RARS2: variants seen among roughly 807,000 people sequenced by gnomAD.
The protein encoded by RARS2 is probable arginine--tRNA ligase, mitochondrial.
RARS2 carries 67 observed loss-of-function variants against 88.5 expected under a neutral mutation model. That is an observed-to-expected ratio of 0.76 (90% confidence interval 0.62 to 0.93). The LOEUF (loss-of-function observed/expected upper bound fraction) is 0.93. Ranked by LOEUF, RARS2 falls within the 40% of genes least tolerant of loss-of-function variation. RARS2 has a pLI of 0.00. For synonymous variants in RARS2, 239 were observed against 230.3 expected (o/e 1.04, Z -0.34); for missense variants, 664 against 684.2 (o/e 0.97, Z 0.33).
chr6:87,530,190 C>T (rs1777011995), intron 9 of RARS2, among the ~76,000 whole-genome samples: 1 of 152,168 alleles, frequency 6.6e-6, no homozygotes, highest in East Asian at 1.9e-4. Context: ...TAGAATCATG[C>T]CCCATATGCT....
intron 10 of RARS2, among the ~76,000 whole-genome samples, chr6:87,526,589 A>C (rs1775795195): frequency 7.6e-6 from 1 of 131,110 alleles, no homozygotes; most frequent in African/African-American, 3.2e-5. Context: ...TAATCAAAAC[A>C]GCATCATACT....
intron 7 of RARS2, among the ~76,000 whole-genome samples, chr6:87,542,969 TAAAAA>T: frequency 7.1e-6 from 1 of 140,682 alleles, no homozygotes; most frequent in Admixed American, 7.1e-5. Flanking sequence ...TATAAAATAA[TAAAAA>T]AAAAAAAGAG....
chr6:87,585,369 C>T (rs1404614622), intron 1 of RARS2, among the ~76,000 whole-genome samples: 6 of 152,150 alleles, frequency 3.9e-5, no homozygotes, highest in African/African-American at 1.4e-4. Flanking sequence ...TTATTGTCAT[C>T]ATAGAAGCAA....
intron 8 of RARS2, 146 bp downstream of exon 8, chr6:87,541,772 T>G: frequency 1.7e-6 from 1 of 603,298 alleles, no homozygotes; most frequent in Non-Finnish European, 3.0e-6. Flanking sequence ...TGCAGTGAGC[T>G]GAGATTGCAC....
At chr6:87,524,906 T>C (rs189335574) in intron 10 of RARS2, among the ~76,000 whole-genome samples, 1 of 152,338 alleles carries the variant, frequency 6.6e-6, no homozygotes, top group Admixed American at 6.5e-5. Flanking sequence ...TACTCAGAGA[T>C]AAATTCTTTA....
rs1582548030 is a variant in RARS2 at position 87,545,607 on chromosome 6, T to C, written c.535+9A>G. The stretch of plus-strand genomic sequence containing the variant: ...ATGAAATGAAAAATAAAATCTCAAG[T>C]GTACTTACCAAACTGCATGCCCCAA... On this transcript the variant is annotated intron_variant, in intron 7 of 19. Coordinates refer to ENST00000369536, the MANE Select transcript of RARS2 (RefSeq NM_020320.5). The C allele has an allele frequency of 6.2e-7, 1 of 1,613,660 alleles. No individual in the cohort carries two copies. The highest frequency in any genetic ancestry group is 8.5e-7 in the Non-Finnish European group (1 of 1,179,818).
At chr6:87,584,833 A>G (rs184842778) in intron 1 of RARS2, 6 of 388,880 alleles carry the variant, frequency 1.5e-5, no homozygotes, top group East Asian at 7.6e-5. Context: ...TCTCTATGGT[A>G]TATACCATAG....
intron 1 of RARS2, among the ~76,000 whole-genome samples, chr6:87,582,309 T>C (rs1212573000): frequency 6.6e-6 from 1 of 152,264 alleles, no homozygotes; most frequent in Non-Finnish European, 1.5e-5. Context: ...CTGACTGGCA[T>C]GAGATGGTAT....
At chr6:87,572,361 A>G (rs1770033239) in intron 1 of RARS2, among the ~76,000 whole-genome samples, 1 of 152,198 alleles carries the variant, frequency 6.6e-6, no homozygotes, top group African/African-American at 2.4e-5. Context: ...ATAATCACTA[A>G]GATTTTATGT....
chr6:87,553,930 G>A (rs566899092), intron 5 of RARS2, among the ~76,000 whole-genome samples: 1 of 152,094 alleles, frequency 6.6e-6, no homozygotes, highest in Admixed American at 6.5e-5. Context: ...CTCTTAGAGG[G>A]TCTGCCTTCT....
Position 87,589,985 on chromosome 6 carries a change from T to G in RARS2, c.-28A>C, listed in dbSNP as rs531449426. 1 of 1,613,986 alleles carries G rather than the reference T, an allele frequency of 6.2e-7. No individual in the cohort carries two copies. Among genetic ancestry groups the G allele is most frequent in the Non-Finnish European group, 8.5e-7 (1 of 1,180,006 alleles). ...CCACCTCTACGGAAGTGCGCCGCAG[T>G]CCGCCAGTTCCGGCCTCGCCCCACC... On this transcript the variant is annotated 5_prime_UTR_variant, in exon 1 of 20. Coordinates refer to ENST00000369536, the MANE Select transcript of RARS2 (RefSeq NM_020320.5).
intron 1 of RARS2, 120 bp from the exon 2 acceptor site, chr6:87,569,710 T>G: frequency 1.2e-6 from 1 of 802,528 alleles, no homozygotes; most frequent in Non-Finnish European, 2.1e-6. Context: ...CCAAATGCAT[T>G]CCAAGTGAAG....
chr6:87,556,872 G>T (rs1158691852), intron 4 of RARS2, among the ~76,000 whole-genome samples: 1 of 148,322 alleles, frequency 6.7e-6, no homozygotes, highest in African/African-American at 2.5e-5. Flanking sequence ...GGCTGGTCTT[G>T]AACTCCTGGG....
intron 1 of RARS2, among the ~76,000 whole-genome samples, chr6:87,588,984 T>C (rs1420353531): frequency 6.6e-6 from 1 of 152,184 alleles, no homozygotes; most frequent in Admixed American, 6.5e-5. Flanking sequence ...TGGCGAATTA[T>C]CACCGGACAG....
At chr6:87,550,360 G>A (rs1783945483) in intron 5 of RARS2, among the ~76,000 whole-genome samples, 2 of 152,138 alleles carry the variant, frequency 1.3e-5, no homozygotes, top group South Asian at 4.1e-4. Flanking sequence ...TGCCTTACTA[G>A]TACATTTGTT....
chr6:87,535,764 C>T (rs1328663337), intron 8 of RARS2, among the ~76,000 whole-genome samples: 2 of 151,082 alleles, frequency 1.3e-5, no homozygotes, highest in Non-Finnish European at 2.9e-5. Context: ...GCAACCTCCA[C>T]CTCCTGGGTT....
intron 6 of RARS2, among the ~76,000 whole-genome samples, chr6:87,547,608 T>A (rs931684930): frequency 1.3e-5 from 2 of 152,156 alleles, no homozygotes; most frequent in African/African-American, 4.8e-5. Flanking sequence ...TATGAAGTAC[T>A]ATATAGTAAT....
rs368859792 is a variant in RARS2 at position 87,529,650 on chromosome 6, TA to T, written c.772-3del. On this transcript the variant is annotated splice_polypyrimidine_tract_variant and splice_region_variant and intron_variant, in intron 9 of 19. Coordinates refer to ENST00000369536, the MANE Select transcript of RARS2 (RefSeq NM_020320.5). The stretch of plus-strand genomic sequence containing the variant: ...TTCATCAAAATATACTCCCAGACGC[TA>T]AAAGAGTTCAGAAACAAAAAGACAA... 71 of 1,585,444 alleles carry T rather than the reference TA, an allele frequency of 4.5e-5. No individual in the cohort carries two copies. The African/African-American group carries it at 9.1e-4, about 20-fold the overall frequency.
At chr6:87,583,145 A>T (rs1365387847) in intron 1 of RARS2, among the ~76,000 whole-genome samples, 1 of 152,230 alleles carries the variant, frequency 6.6e-6, no homozygotes, top group African/African-American at 2.4e-5. Flanking sequence ...CAAATGACAC[A>T]GGAAAAAGTT....
Sources: allele counts gnomAD v4.1 joint callset (sites outside exome capture counted in the v4.1 genomes callset), GRCh38; gene constraint gnomAD v4.1.1; transcripts MANE v1.5; gene names NCBI Gene and HGNC (gene_info 2026-07-23, HGNC 2026-07-21).